Variants in ARHGAP17 observed in about 807,000 individuals in gnomAD.
ARHGAP17 encodes rho GTPase-activating protein 17.
ARHGAP17 carries 57 observed loss-of-function variants against 99.5 expected under a neutral mutation model. The ratio of observed to expected loss-of-function variants is 0.57; its 90% CI spans 0.46 to 0.71. The LOEUF (loss-of-function observed/expected upper bound fraction) is 0.71. ARHGAP17 is among the 30% of genes least tolerant of loss of function. The probability of loss-of-function intolerance (pLI) is 0.00; values close to 1 mark genes in which losing one functional copy is unlikely to be tolerated. For synonymous variants in ARHGAP17, 417 were observed against 429.6 expected (o/e 0.97, Z 0.36); for missense variants, 1,000 against 1,122.4 (o/e 0.89, Z 1.56).
intron 1 of ARHGAP17, among the ~76,000 whole-genome samples, chr16:24,995,738 G>A (rs1185466054): frequency 2.6e-5 from 4 of 152,072 alleles, no homozygotes; most frequent in Non-Finnish European, 5.9e-5. Flanking sequence ...AACTCTGCCG[G>A]ACTCTGGGCC....
At chr16:24,924,529 T>A (rs959878198) in intron 19 of ARHGAP17, among the ~76,000 whole-genome samples, 2 of 151,220 alleles carry the variant, frequency 1.3e-5, no homozygotes, top group East Asian at 3.9e-4. Flanking sequence ...AGGCAGAGAA[T>A]ATATAAATTC....
chr16:24,943,373 T>C (rs923227917), intron 15 of ARHGAP17, among the ~76,000 whole-genome samples: 3 of 152,198 alleles, frequency 2.0e-5, no homozygotes, highest in African/African-American at 4.8e-5. Flanking sequence ...AATCCCTGGT[T>C]CCCTTTTCCC....
chr16:24,983,307 AT>A (rs1223133396), intron 1 of ARHGAP17, among the ~76,000 whole-genome samples: 437 of 140,298 alleles, frequency 3.1e-3, no homozygotes, highest in Middle Eastern at 4.0e-3. Context: ...ACGCGGCCAG[AT>A]TTTTTTTTTT....
intron 13 of ARHGAP17, 125 bp from the exon 14 acceptor site, chr16:24,947,720 T>C (rs1040890066): frequency 6.9e-6 from 5 of 722,514 alleles, no homozygotes; most frequent in Admixed American, 4.7e-5. Context: ...TAAATCAGAA[T>C]CTGGCTCAGG....
At chr16:24,958,707 C>T (rs551104281) in intron 9 of ARHGAP17, among the ~76,000 whole-genome samples, 44 of 152,258 alleles carry the variant, frequency 2.9e-4, no homozygotes, top group South Asian at 1.9e-3. Flanking sequence ...GAGAAGAAGT[C>T]GCATTCTTGA....
chr16:24,969,445 C>T (rs2052293709), intron 4 of ARHGAP17, among the ~76,000 whole-genome samples: 1 of 152,168 alleles, frequency 6.6e-6, no homozygotes, highest in Non-Finnish European at 1.5e-5. Context: ...TGGTGCCAAG[C>T]TGCCCAAGTC....
chr16:24,992,950 C>A (rs982337253), intron 1 of ARHGAP17, among the ~76,000 whole-genome samples: 1 of 152,174 alleles, frequency 6.6e-6, no homozygotes, highest in African/African-American at 2.4e-5. Context: ...CAGGCATACA[C>A]CACCACACTC....
chr16:24,927,578 T>C (rs2050874149), intron 19 of ARHGAP17: 7 of 373,764 alleles, frequency 1.9e-5, no homozygotes, highest in South Asian at 3.7e-5. Context: ...TTAGTAGGGA[T>C]GCAAGCAGGC....
intron 1 of ARHGAP17, among the ~76,000 whole-genome samples, chr16:25,003,036 C>T (rs1227535434): frequency 7.5e-5 from 3 of 39,812 alleles, no homozygotes; most frequent in East Asian, 1.5e-3. Flanking sequence ...GAGACTCCGT[C>T]TCAAAAAAAA....
intron 2 of ARHGAP17, among the ~76,000 whole-genome samples, chr16:24,977,704 G>GGT (rs148578980): frequency 0.033 from 4,956 of 151,782 alleles, 279 homozygotes; most frequent in African/African-American, 0.11. Context: ...TTGGGTTTGG[G>GGT]GTGTGTGTGT....
At chr16:24,990,744 A>G (rs2053015221) in intron 1 of ARHGAP17, among the ~76,000 whole-genome samples, 1 of 150,390 alleles carries the variant, frequency 6.6e-6, no homozygotes, top group Non-Finnish European at 1.5e-5. Context: ...AAACAAATGA[A>G]TTAGAACCTC....
intron 19 of ARHGAP17, among the ~76,000 whole-genome samples, chr16:24,921,283 C>T (rs1433492673): frequency 6.6e-6 from 1 of 152,110 alleles, no homozygotes; most frequent in Non-Finnish European, 1.5e-5. Flanking sequence ...ATTATGAGAG[C>T]CTCATTAGGT....
intron 1 of ARHGAP17, among the ~76,000 whole-genome samples, chr16:24,999,705 C>T (rs1288972541): frequency 8.5e-5 from 13 of 152,146 alleles, no homozygotes; most frequent in Admixed American, 3.3e-4. Context: ...AGGTGGGAGT[C>T]GCATGTCCCA....
chr16:24,923,731 A>ATTT (rs1567726386), intron 19 of ARHGAP17, among the ~76,000 whole-genome samples: 9 of 147,114 alleles, frequency 6.1e-5, no homozygotes, highest in African/African-American at 2.1e-4. Flanking sequence ...TTTTTTTAAA[A>ATTT]AAAAAAAAAA....
intron 16 of ARHGAP17, 68 bp downstream of exon 16, chr16:24,941,919 C>T: frequency 5.0e-6 from 8 of 1,605,586 alleles, no homozygotes; most frequent in Middle Eastern, 1.7e-4. Context: ...GTCCACTGAG[C>T]GATACCAGAT....
chr16:25,015,359 G>A lies in ARHGAP17; in HGVS notation c.-98C>T, dbSNP rs1306004824. On this transcript the variant is annotated 5_prime_UTR_variant, in exon 1 of 20. Transcript: ENST00000289968. ...CGCTTCCCGGCCCAAACGGCGGCGC[G>A]GCGGTGGCTCCCCGGGCCGGCGGCC... 3.5e-6 allele frequency: 4 copies of A among 1,131,158 alleles called. No homozygotes were observed. The highest frequency in any genetic ancestry group is 1.6e-5 in the African/African-American group (1 of 61,484). The allele number at this position is 1,131,158 out of a possible 1,614,324, so 70.1% of individuals were successfully genotyped here. A position where few individuals can be genotyped will look rare whatever the true frequency, so the allele number is the denominator to read the frequency against.
chr16:24,973,491 T>G (rs1567241955), intron 3 of ARHGAP17, among the ~76,000 whole-genome samples: 1 of 152,210 alleles, frequency 6.6e-6, no homozygotes, highest in Non-Finnish European at 1.5e-5. Flanking sequence ...CTTTGGCACT[T>G]TCGTTTGACG....
Position 24,931,403 on chromosome 16 carries a change from A to C in ARHGAP17, c.1896T>G (p.Ala632=), listed in dbSNP as rs775021005. The C allele has an allele frequency of 6.6e-6, 10 of 1,505,206 alleles. No individual in the cohort carries two copies. In the East Asian group the frequency reaches 2.3e-4, roughly 35 times the overall value. 93.2% of individuals were successfully genotyped at this position (1,505,206 alleles called of 1,614,324 possible). Residue 632 remains alanine (A), a splice_region_variant and synonymous_variant, in exon 19 of 20, where the codon GCT becomes GCG. Coordinates refer to ENST00000289968, the MANE Select transcript of ARHGAP17 (RefSeq NM_001006634.3). ...GGGGTGCTGGAGCGGGTTTTTTAAC[A>C]GCTGCACAAAAAGAGAAAAAACACC... The part of the protein sequence containing the change: ...AGPSPHTLRR[A]VKKPAPAPPK...
At chr16:24,961,121 C>G (rs754852935) in intron 7 of ARHGAP17, among the ~76,000 whole-genome samples, 12 of 152,004 alleles carry the variant, frequency 7.9e-5, no homozygotes, top group Non-Finnish European at 1.6e-4. Context: ...ACCCCAGCCT[C>G]CCAAAGTGCT....
Sources: gnomAD v4.1 joint callset for allele counts (sites outside exome capture counted in the v4.1 genomes callset) on GRCh38, gnomAD v4.1.1 for gene constraint, MANE v1.5 for transcripts, NCBI Gene and HGNC (gene_info 2026-07-23, HGNC 2026-07-21) for gene names.